The following IQCM variants were observed in gnomAD, a reference collection of about 807,000 sequenced individuals.
IQCM encodes the protein IQ motif containing M.
IQCM carries 45 observed loss-of-function variants against 57.6 expected under a neutral mutation model. That is an observed-to-expected ratio of 0.78 (90% CI 0.62 to 1.00). The LOEUF is 1.00. Ranked by LOEUF, IQCM falls within the 50% of genes least tolerant of loss-of-function variation. The pLI is 0.00. For missense variants in IQCM, 468 were observed against 511.6 expected, an observed-to-expected ratio of 0.91 and a Z score of 0.82; for synonymous variants, 148 against 158.9, an observed-to-expected ratio of 0.93 and a Z score of 0.51.
At chr4:149,380,911 G>GA (rs1731033523) in intron 13 of IQCM, among the ~76,000 whole-genome samples, 1 of 152,066 alleles carries the variant, frequency 6.6e-6, no homozygotes, top group Non-Finnish European at 1.5e-5. Context: ...GTTTAGTTGA[G>GA]AAAAAAGTTT....
intron 13 of IQCM, among the ~76,000 whole-genome samples, chr4:149,408,117 A>G (rs1198966303): frequency 2.0e-5 from 3 of 152,148 alleles, no homozygotes; most frequent in Middle Eastern, 3.4e-3. Context: ...TTTCTTGGTC[A>G]TTTGTATTTC....
chr4:149,547,620 T>C (rs1216812477), intron 12 of IQCM, among the ~76,000 whole-genome samples: 1 of 152,090 alleles, frequency 6.6e-6, no homozygotes, highest in Admixed American at 6.5e-5. Flanking sequence ...TACCTGAAAT[T>C]AGCTAGGAGA....
chr4:149,642,970 C>A (rs1294816570), intron 7 of IQCM, among the ~76,000 whole-genome samples: 1 of 151,940 alleles, frequency 6.6e-6, no homozygotes, highest in Non-Finnish European at 1.5e-5. Flanking sequence ...CATTTATATT[C>A]AATAAGAATC....
rs756226705 is a variant in IQCM at position 149,553,143 on chromosome 4, AT to A, written c.1092del (p.Lys364AsnfsTer5). The A allele has an allele frequency of 8.1e-6, 10 of 1,231,620 alleles. No individual in the cohort carries two copies. The East Asian group carries it at 1.3e-4, about 16-fold the overall frequency. 76.3% of individuals were successfully genotyped at this position (1,231,620 alleles called of 1,614,324 possible). ...AACCAGAAGTGTCTGCATCACTTAC[AT>A]TTTTTTCGGTCCATCCACTCCTCTA... is the stretch of plus-strand genomic sequence containing the variant. The part of the protein sequence containing the change: ...AELEEWMDRK[K>X]FYEIMFAKRE... On this transcript the variant is annotated frameshift_variant and splice_region_variant, in exon 11 of 14. Transcript: ENST00000636793. LOFTEE classifies it high-confidence loss of function.
At chr4:149,367,068 T>C (rs1729896278) in intron 13 of IQCM, among the ~76,000 whole-genome samples, 1 of 152,002 alleles carries the variant, frequency 6.6e-6, no homozygotes, top group South Asian at 2.1e-4. Context: ...TTTTTCTGTT[T>C]ACCAATACCT....
chr4:149,677,582 TTAAA>T lies in IQCM; in HGVS notation c.565+4532_565+4535del, dbSNP rs1405109136. Among the ~76,000 whole-genome samples, 23 of 151,942 alleles carry T rather than the reference TTAAA, an allele frequency of 1.5e-4. No homozygotes were observed. In the East Asian group the frequency reaches 4.3e-3, roughly 28 times the overall value. ...AAGACAACAATAAATAAAATAATAA[TTAAA>T]TAAGACCAAATTAATCTTACAATGC... On this transcript the variant is annotated intron_variant, in intron 7 of 13. Transcript: ENST00000636793.
chr4:149,377,886 A>C (rs1730801878), intron 13 of IQCM, among the ~76,000 whole-genome samples: 1 of 152,154 alleles, frequency 6.6e-6, no homozygotes, highest in South Asian at 2.1e-4. Flanking sequence ...CACATCCTGA[A>C]GAGGCCTGAT....
At chr4:149,501,125 T>G (rs1743200713) in intron 12 of IQCM, among the ~76,000 whole-genome samples, 1 of 152,208 alleles carries the variant, frequency 6.6e-6, no homozygotes. Flanking sequence ...CTTCAGTGAC[T>G]TTCCTTTGCC....
chr4:149,635,288 A>G (rs909835796), intron 7 of IQCM, among the ~76,000 whole-genome samples: 2 of 152,202 alleles, frequency 1.3e-5, no homozygotes, highest in Non-Finnish European at 2.9e-5. Flanking sequence ...GTAAATTCCT[A>G]GATCAGAACT....
chr4:149,515,646 C>T (rs1744878297), intron 12 of IQCM, among the ~76,000 whole-genome samples: 1 of 152,184 alleles, frequency 6.6e-6, no homozygotes, highest in Admixed American at 6.5e-5. Flanking sequence ...TGAAGGACAG[C>T]AGTGAAGGGA....
chr4:149,430,093 T>G, intron 13 of IQCM: 1 of 955,460 alleles, frequency 1.0e-6, no homozygotes, highest in Non-Finnish European at 1.4e-6. Flanking sequence ...AACTTTCAAC[T>G]TAAGTTATTC....
chr4:149,387,962 T>C (rs1416105255), intron 13 of IQCM, among the ~76,000 whole-genome samples: 2 of 152,040 alleles, frequency 1.3e-5, no homozygotes, highest in Non-Finnish European at 2.9e-5. Flanking sequence ...GATTCTCTTC[T>C]TTCACTTAGC....
intron 4 of IQCM, among the ~76,000 whole-genome samples, chr4:149,735,033 A>T (rs996071809): frequency 6.6e-6 from 1 of 152,148 alleles, no homozygotes; most frequent in Non-Finnish European, 1.5e-5. Flanking sequence ...CTCACAATTT[A>T]TTTTCTAGTT....
At chr4:149,437,197 C>T (rs1443447894) in intron 12 of IQCM, among the ~76,000 whole-genome samples, 2 of 152,062 alleles carry the variant, frequency 1.3e-5, no homozygotes, top group Non-Finnish European at 2.9e-5. Context: ...TCAATAGTTA[C>T]GAGTGAACTG....
In IQCM at chr4:149,398,801, G is replaced by A. The variant is rs534825993; in HGVS notation, c.1390+34595C>T. Among the ~76,000 whole-genome samples the A allele has an allele frequency of 4.6e-5, 7 of 152,072 alleles. No individual in the cohort carries two copies. In the South Asian group the frequency reaches 1.5e-3, roughly 32 times the overall value. On this transcript the variant is annotated intron_variant, in intron 13 of 13. Coordinates refer to ENST00000636793, the MANE Select transcript of IQCM (RefSeq NM_001363507.2). Reference sequence around the variant, plus strand: ...GGCTCACTGCAGCCTCAAACTCCAGGGCTCAAGTGATCCTCCTGACTCATT... The same window carrying A: ...GGCTCACTGCAGCCTCAAACTCCAGAGCTCAAGTGATCCTCCTGACTCATT...
At chr4:149,361,977 G>A (rs1427550965) in intron 13 of IQCM, among the ~76,000 whole-genome samples, 1 of 152,104 alleles carries the variant, frequency 6.6e-6, no homozygotes, top group Non-Finnish European at 1.5e-5. Context: ...AAACCACAGG[G>A]ATGGAGCTGC....
chr4:149,574,013 G>A (rs1279056482), intron 9 of IQCM, among the ~76,000 whole-genome samples: 2 of 151,798 alleles, frequency 1.3e-5, no homozygotes, highest in African/African-American at 4.8e-5. Flanking sequence ...TCATTTGTTT[G>A]TTTCAGGAGT....
At chr4:149,536,507 T>G (rs1747311175) in intron 12 of IQCM, among the ~76,000 whole-genome samples, 1 of 152,038 alleles carries the variant, frequency 6.6e-6, no homozygotes, top group African/African-American at 2.4e-5. Context: ...TTAACTCAAA[T>G]CCTACCCTCT....
chr4:149,495,329 C>G (rs537223019), intron 12 of IQCM, among the ~76,000 whole-genome samples: 3 of 152,084 alleles, frequency 2.0e-5, no homozygotes, highest in African/African-American at 7.2e-5. Context: ...TAAATGTGAG[C>G]TAAGCACTAG....
Sources: gnomAD v4.1 joint callset for allele counts (sites outside exome capture counted in the v4.1 genomes callset) on GRCh38, gnomAD v4.1.1 for gene constraint, MANE v1.5 for transcripts, NCBI Gene and HGNC (gene_info 2026-07-23, HGNC 2026-07-21) for gene names.